The following ATP11B variants were observed in gnomAD, a reference collection of about 807,000 sequenced individuals.
ATP11B encodes the protein phospholipid-transporting ATPase IF.
In ATP11B, 81 loss-of-function variants were observed where a neutral mutation model predicts 157.8. The ratio of observed to expected loss-of-function variants is 0.51; its 90% CI spans 0.43 to 0.62. The LOEUF (loss-of-function observed/expected upper bound fraction) is 0.62. ATP11B is among the 20% of genes least tolerant of loss of function. The probability of loss-of-function intolerance (pLI) is 0.00; values close to 1 mark genes in which losing one functional copy is unlikely to be tolerated. For missense variants in ATP11B, 1,165 were observed against 1,402.2 expected, an observed-to-expected ratio of 0.83 and a Z score of 2.70; for synonymous variants, 451 against 469.4, an observed-to-expected ratio of 0.96 and a Z score of 0.51.
intron 29 of ATP11B, chr3:182,915,126 TATC>T: frequency 2.0e-6 from 2 of 984,948 alleles, no homozygotes; most frequent in Non-Finnish European, 2.4e-6. Flanking sequence ...ATGAGTATGA[TATC>T]ATTCATCTGT....
intron 10 of ATP11B, among the ~76,000 whole-genome samples, chr3:182,857,655 A>G (rs989459112): frequency 2.6e-5 from 4 of 152,074 alleles, no homozygotes; most frequent in Non-Finnish European, 4.4e-5. Flanking sequence ...TAACATGGCT[A>G]TATTAAATAG....
At chr3:182,845,414 T>G (rs1316482203) in intron 8 of ATP11B, 44 bp from the exon 9 acceptor site, 2 of 1,509,936 alleles carry the variant, frequency 1.3e-6, no homozygotes, top group Admixed American at 2.1e-5. Context: ...TTGAAGAGTT[T>G]TTAATATATT....
At chr3:182,859,443 A>C (rs1429991529) in intron 12 of ATP11B, 84 bp downstream of exon 12, 10 of 1,230,216 alleles carry the variant, frequency 8.1e-6, no homozygotes, top group Non-Finnish European at 1.1e-5. Flanking sequence ...GTAACAAGGT[A>C]TTATGATGCT....
In ATP11B at chr3:182,900,768, G is replaced by A. The variant is rs530194875; in HGVS notation, c.3318+1996G>A. 1.6e-4 allele frequency among the ~76,000 whole-genome samples: 24 copies of A among 152,184 alleles called. No homozygotes were observed. The East Asian group carries it at 3.3e-3, about 21-fold the overall frequency. On this transcript the variant is annotated intron_variant, in intron 28 of 29. Transcript: ENST00000323116. Reference sequence around the variant, plus strand: ...TTTTAAATACTTAATTCTTGAGACCGGGTGCAGTGGCTCACACCTGTAATT... The same window carrying A: ...TTTTAAATACTTAATTCTTGAGACCAGGTGCAGTGGCTCACACCTGTAATT...
chr3:182,898,137 G>C (rs1723689250), intron 27 of ATP11B, among the ~76,000 whole-genome samples: 1 of 152,014 alleles, frequency 6.6e-6, no homozygotes, highest in Non-Finnish European at 1.5e-5. Context: ...TTTTGAGGTA[G>C]TATATACAAA....
At chr3:182,892,829 GC>G (rs1215422510) in intron 25 of ATP11B, among the ~76,000 whole-genome samples, 2 of 152,150 alleles carry the variant, frequency 1.3e-5, no homozygotes, top group Non-Finnish European at 2.9e-5. Flanking sequence ...CTCTAAAACT[GC>G]TTTTCCATGG....
Position 182,906,776 on chromosome 3 carries a change from TTAA to T in ATP11B, c.3319-7084_3319-7082del, listed in dbSNP as rs760058960. Among the ~76,000 whole-genome samples the T allele has an allele frequency of 6.8e-4, 93 of 136,044 alleles. 2 individuals are homozygous for T. The South Asian group carries it at 9.6e-3, about 14-fold the overall frequency. The allele number at this position is 136,044 out of a possible 152,430, so 89.3% of individuals were successfully genotyped here. A position where few individuals can be genotyped will look rare whatever the true frequency, so the allele number is the denominator to read the frequency against. On this transcript the variant is annotated intron_variant, in intron 28 of 29. Transcript: ENST00000323116. ...ATAAATTTTCATAGTTGTATCTGTT[TTAA>T]AAAAAAAAAAAAGAAGAAGAAGAAG...
At chr3:182,856,540 A>G (rs1222794544) in intron 10 of ATP11B, among the ~76,000 whole-genome samples, 1 of 152,188 alleles carries the variant, frequency 6.6e-6, no homozygotes, top group Admixed American at 6.5e-5. Flanking sequence ...TTTGAATGTC[A>G]TATCCCTTCC....
At chr3:182,881,625 A>G (rs941675922) in intron 21 of ATP11B, among the ~76,000 whole-genome samples, 1 of 152,204 alleles carries the variant, frequency 6.6e-6, no homozygotes, top group African/African-American at 2.4e-5. Flanking sequence ...TTTAAAGGAA[A>G]TAAATACCAC....
intron 25 of ATP11B, among the ~76,000 whole-genome samples, chr3:182,894,587 A>G (rs775576777): frequency 4.6e-5 from 7 of 152,216 alleles, no homozygotes; most frequent in Admixed American, 2.0e-4. Context: ...AGCAGTCTTA[A>G]CCAGTTGATT....
chr3:182,825,527 T>G (rs764537056), intron 2 of ATP11B, among the ~76,000 whole-genome samples: 1 of 152,104 alleles, frequency 6.6e-6, no homozygotes, highest in African/African-American at 2.4e-5. Flanking sequence ...GAGAACAGCC[T>G]GGCCAACAGG....
intron 25 of ATP11B, 46 bp downstream of exon 25, chr3:182,889,594 G>T: frequency 1.4e-6 from 2 of 1,434,500 alleles, no homozygotes; most frequent in South Asian, 1.4e-5. Flanking sequence ...ATATTTTATG[G>T]GTTTTTTATA....
At chr3:182,866,229 A>G in intron 13 of ATP11B, 39 bp from the exon 14 acceptor site, 1 of 1,449,460 alleles carries the variant, frequency 6.9e-7, no homozygotes. Flanking sequence ...GTATGTGGAA[A>G]TGATATTTTT....
chr3:182,825,240 G>C (rs1411713569), intron 2 of ATP11B, among the ~76,000 whole-genome samples: 2 of 152,138 alleles, frequency 1.3e-5, no homozygotes, highest in Non-Finnish European at 2.9e-5. Flanking sequence ...TGTCAAATAT[G>C]ACTGTCTTGT....
Position 182,828,130 on chromosome 3 carries a change from G to A in ATP11B, c.155G>A (p.Trp52Ter). The change falls in exon 3 of 30, where the codon TGG (tryptophan) becomes TAG (stop). Residue 52 changes from tryptophan (W) to a stop codon, truncating the protein, a stop_gained. Transcript: ENST00000323116. LOFTEE classifies it high-confidence loss of function. ...TCTCTTTCTTTTTAGTACACTGTGT[G>A]GAATTTTGTTCCAAAAAATTTATTT... is the stretch of plus-strand genomic sequence containing the variant. ...NRIISSKYTV[W>*]NFVPKNLFEQ... 2 of 1,441,658 alleles carry A rather than the reference G, an allele frequency of 1.4e-6. No homozygotes were observed. The highest frequency in any genetic ancestry group is 1.9e-6 in the Non-Finnish European group (2 of 1,066,970). 89.3% of individuals were successfully genotyped at this position (1,441,658 alleles called of 1,614,324 possible).
At position 182,856,674 on chromosome 3, in the gene ATP11B, A is replaced by G. The variant is rs1001774917; in HGVS notation, c.852-1204A>G. ...ATACTATGCCTAATACATAATAACC[A>G]AACGAAAGCCAGTTCCTTTCTTACA... On this transcript the variant is annotated intron_variant, in intron 10 of 29. Coordinates refer to ENST00000323116, the MANE Select transcript of ATP11B (RefSeq NM_014616.3). Among the ~76,000 whole-genome samples the G allele has an allele frequency of 1.4e-4, 22 of 152,366 alleles. No individual in the cohort carries two copies. In the East Asian group the frequency reaches 3.9e-3, roughly 27 times the overall value.
rs996752881 is a variant in ATP11B, at chr3:182,918,978, CTT to C, written c.*876_*877del. 1.2e-4 allele frequency: 19 copies of C among 152,012 alleles called. No homozygotes were observed. Among genetic ancestry groups the C allele is most frequent in the African/African-American group, 3.6e-4 (15 of 41,482 alleles). The allele number at this position is 152,012 out of a possible 1,614,324, so 9.4% of individuals were successfully genotyped here. On this transcript the variant is annotated 3_prime_UTR_variant, in exon 30 of 30. Coordinates refer to ENST00000323116, the MANE Select transcript of ATP11B (RefSeq NM_014616.3). Reference sequence around the variant, plus strand: ...ACATATTTAAATTTGCTTTTTTTCTCTTTACCTGAAGGCTCTGTGTATAGTAT... The same window carrying C: ...ACATATTTAAATTTGCTTTTTTTCTCTACCTGAAGGCTCTGTGTATAGTAT...
chr3:182,915,627 A>C, intron 29 of ATP11B: 1 of 967,128 alleles, frequency 1.0e-6, no homozygotes, highest in Non-Finnish European at 1.2e-6. Flanking sequence ...TTTTTTTAAA[A>C]CTAGAATTAA....
intron 28 of ATP11B, among the ~76,000 whole-genome samples, chr3:182,909,404 A>G (rs1406270316): frequency 6.6e-6 from 1 of 152,222 alleles, no homozygotes; most frequent in Non-Finnish European, 1.5e-5. Flanking sequence ...CACAACTTCT[A>G]GTAAATTAAA....
Sources: gnomAD v4.1 joint callset for allele counts (sites outside exome capture counted in the v4.1 genomes callset) on GRCh38, gnomAD v4.1.1 for gene constraint, MANE v1.5 for transcripts, NCBI Gene and HGNC (gene_info 2026-07-23, HGNC 2026-07-21) for gene names.